Variants in DNAH12 observed in about 807,000 individuals in gnomAD.
DNAH12 encodes the protein axonemal beta dynein heavy chain 12.
DNAH12 carries 285 observed loss-of-function variants against 371.5 expected under a neutral mutation model. That is an observed-to-expected ratio of 0.77 (90% CI 0.70 to 0.85). The LOEUF is 0.85. Among genes scored for constraint, DNAH12 ranks in the 40% least tolerant of loss-of-function variants. The pLI is 0.00. For synonymous variants in DNAH12, 1,200 were observed against 1,213.0 expected (o/e 0.99, Z 0.22); for missense variants, 3,611 against 3,689.4 (o/e 0.98, Z 0.55).
intron 59 of DNAH12, among the ~76,000 whole-genome samples, chr3:57,352,966 G>A (rs960024756): frequency 6.6e-6 from 1 of 152,028 alleles, no homozygotes; most frequent in East Asian, 1.9e-4. Context: ...GTACACGCCT[G>A]TAATCCCAGC....
chr3:57,363,757 A>T lies in DNAH12; in HGVS notation c.9197T>A (p.Leu3066Gln), dbSNP rs1482656687. Residue 3066 changes from leucine to glutamine, a missense_variant, in exon 58 of 74, where the codon CTG (leucine) becomes CAG (glutamine). Physicochemically the swap from Leu to Gln is moderately radical, Grantham distance 113 (BLOSUM62 -2). This residue lies in a region of DNAH12 where 2,266 missense variants were observed against 2,236.9 expected (regional missense o/e 1.01). Transcript: ENST00000495027. ...RPELEEERNA[L>Q]ILQSAANKKQ... ...CTTGTTAGCTGCAGACTGAAGAATCAGGGCATTTCGTTCCTCTTCTAATTC... is the reference window on the plus strand; with the variant it reads ...CTTGTTAGCTGCAGACTGAAGAATCTGGGCATTTCGTTCCTCTTCTAATTC... 6.6e-6 allele frequency: 1 copy of T among 152,164 alleles called. No homozygotes were observed. The highest frequency in any genetic ancestry group is 1.5e-5 in the Non-Finnish European group (1 of 68,006). The allele number at this position is 152,164 out of a possible 1,614,324, so 9.4% of individuals were successfully genotyped here. A position where few individuals can be genotyped will look rare whatever the true frequency, so the allele number is the denominator to read the frequency against.
intron 2 of DNAH12, among the ~76,000 whole-genome samples, chr3:57,534,660 C>A (rs1404151886): frequency 6.6e-6 from 1 of 152,050 alleles, no homozygotes; most frequent in African/African-American, 2.4e-5. Context: ...AGGCATATGC[C>A]ACCATGCCCG....
chr3:57,326,211 C>T (rs1470985448), intron 62 of DNAH12, among the ~76,000 whole-genome samples: 2 of 151,578 alleles, frequency 1.3e-5, no homozygotes, highest in East Asian at 1.9e-4. Context: ...ACAGAGAATG[C>T]CACAAAGATA....
At chr3:57,355,834 A>G (rs964805656) in intron 59 of DNAH12, among the ~76,000 whole-genome samples, 15 of 152,360 alleles carry the variant, frequency 9.8e-5, no homozygotes, top group South Asian at 2.1e-4. Flanking sequence ...AACTTCTCAC[A>G]GCATACATGA....
chr3:57,365,911 T>C (rs2063042550), intron 57 of DNAH12, among the ~76,000 whole-genome samples: 1 of 151,908 alleles, frequency 6.6e-6, no homozygotes, highest in Non-Finnish European at 1.5e-5. Context: ...ATAGCATAGA[T>C]TCCTAGGGGT....
intron 4 of DNAH12, 30 bp from the exon 5 acceptor site, chr3:57,511,009 T>G: frequency 6.5e-7 from 1 of 1,530,060 alleles, no homozygotes; most frequent in Non-Finnish European, 8.8e-7. Context: ...TTAAATGTTC[T>G]GCATGGTTGT....
chr3:57,499,027 A>ACAC (rs1363060364), intron 11 of DNAH12, among the ~76,000 whole-genome samples: 1 of 152,056 alleles, frequency 6.6e-6, no homozygotes, highest in African/African-American at 2.4e-5. Context: ...ACACACACAC[A>ACAC]AAAACAAAAA....
In DNAH12 at chr3:57,472,570, A is replaced by G; in HGVS notation, c.1752T>C (p.Asn584=). 1 of 1,549,830 alleles carries G rather than the reference A, an allele frequency of 6.5e-7. No homozygotes were observed. The highest frequency in any genetic ancestry group is 1.2e-5 in the South Asian group (1 of 83,230). ...ATVLMWPRKI[N]PIFDENDELI... ...CCTCATCATTTTCATCAAAGATGGGATTAATTTTCCTAGGCCACATGAGGA... is the reference window on the plus strand; with the variant it reads ...CCTCATCATTTTCATCAAAGATGGGGTTAATTTTCCTAGGCCACATGAGGA... The change falls in exon 14 of 74, where the codon AAT becomes AAC. Residue 584 remains asparagine (N), a synonymous_variant. Transcript: ENST00000495027.
Position 57,446,665 on chromosome 3 carries a change from CAAGGTTTA to C in DNAH12, c.3803_3810del (p.Leu1268TrpfsTer21). The C allele has an allele frequency of 1.3e-6, 2 of 1,529,110 alleles. No homozygotes were observed. The allele number at this position is 1,529,110 out of a possible 1,614,324, so 94.7% of individuals were successfully genotyped here. A position where few individuals can be genotyped will look rare whatever the true frequency, so the allele number is the denominator to read the frequency against. ...CCTGCTGGCCCCTCTGGAGCACCTCCAAGGTTTAAATAGAAAGCACCTATCTGAAATGA... is the reference window on the plus strand; with the variant it reads ...CCTGCTGGCCCCTCTGGAGCACCTCCAATAGAAAGCACCTATCTGAAATGA... On this transcript the variant is annotated frameshift_variant, in exon 26 of 74. Coordinates refer to ENST00000495027, the MANE Select transcript of DNAH12 (RefSeq NM_001366028.2). LOFTEE classifies it high-confidence loss of function.
At chr3:57,410,312 T>C (rs1312325312) in intron 39 of DNAH12, among the ~76,000 whole-genome samples, 1 of 152,122 alleles carries the variant, frequency 6.6e-6, no homozygotes, top group East Asian at 1.9e-4. Context: ...CTTTTCCATT[T>C]TTTTTATATC....
chr3:57,534,460 C>T (rs533027342), intron 2 of DNAH12, among the ~76,000 whole-genome samples: 1 of 151,540 alleles, frequency 6.6e-6, no homozygotes, highest in Non-Finnish European at 1.5e-5. Context: ...CCCCACCCCA[C>T]CACCACCATG....
At chr3:57,407,279 C>CATAAAAAA (rs1423460218) in intron 40 of DNAH12, among the ~76,000 whole-genome samples, 1 of 34,922 alleles carries the variant, frequency 2.9e-5, no homozygotes, top group African/African-American at 1.1e-4. Context: ...GCTTCAAAGA[C>CATAAAAAA]AGAAAAAAAA....
chr3:57,463,850 C>T (rs2066125216), intron 17 of DNAH12, among the ~76,000 whole-genome samples: 1 of 152,020 alleles, frequency 6.6e-6, no homozygotes, highest in Non-Finnish European at 1.5e-5. Flanking sequence ...TCACTGCAAC[C>T]TCCGCCTTCT....
At chr3:57,325,134 T>A (rs1297902126) in intron 62 of DNAH12, among the ~76,000 whole-genome samples, 1 of 152,224 alleles carries the variant, frequency 6.6e-6, no homozygotes, top group African/African-American at 2.4e-5. Flanking sequence ...GCTCCACCTC[T>A]GGGGGCAGGG....
chr3:57,523,504 C>T (rs935167336), intron 4 of DNAH12, 79 bp downstream of exon 4: 2 of 1,170,822 alleles, frequency 1.7e-6, no homozygotes, highest in South Asian at 1.5e-5. Flanking sequence ...TGGGACTTAG[C>T]AGGTGGTCTT....
At chr3:57,338,007 C>T (rs2062270352) in intron 60 of DNAH12, among the ~76,000 whole-genome samples, 1 of 152,108 alleles carries the variant, frequency 6.6e-6, no homozygotes, top group African/African-American at 2.4e-5. Context: ...TTGTTTCGCT[C>T]TCCCTCTCTC....
At chr3:57,472,403 G>A (rs2066392389) in intron 14 of DNAH12, 143 bp downstream of exon 14, 1 of 990,598 alleles carries the variant, frequency 1.0e-6, no homozygotes, top group South Asian at 1.8e-5. Flanking sequence ...AGCCTAGAGG[G>A]CCATAAGTGT....
chr3:57,511,057 G>A lies in DNAH12; in HGVS notation c.280-78C>T, dbSNP rs944905656. On this transcript the variant is annotated intron_variant, in intron 4 of 73. Transcript: ENST00000495027. Reference sequence around the variant, plus strand: ...TAACTCCTGAACTCTCCCTTCCTAAGACAACATTTTTTCAGATTAAAAATA... The same window carrying A: ...TAACTCCTGAACTCTCCCTTCCTAAAACAACATTTTTTCAGATTAAAAATA... The A allele has an allele frequency of 4.9e-6, 5 of 1,024,634 alleles. No homozygotes were observed. The African/African-American group carries it at 5.0e-5, about 10-fold the overall frequency. 63.5% of individuals were successfully genotyped at this position (1,024,634 alleles called of 1,614,324 possible).
intron 55 of DNAH12, among the ~76,000 whole-genome samples, chr3:57,368,942 C>G (rs946077955): frequency 2.6e-5 from 4 of 152,014 alleles, no homozygotes; most frequent in African/African-American, 9.7e-5. Flanking sequence ...CACGGTGGCT[C>G]AGGCCTATAA....
Sources: gnomAD v4.1 joint callset for allele counts (sites outside exome capture counted in the v4.1 genomes callset) on GRCh38, gnomAD v4.1.1 for gene constraint, gnomAD v4.1.1 regional missense constraint, MANE v1.5 for transcripts, NCBI Gene and HGNC (gene_info 2026-07-23, HGNC 2026-07-21) for gene names.